Variants in RPS6KC1 observed in about 807,000 individuals in gnomAD.
RPS6KC1 encodes the protein ribosomal protein S6 kinase C1.
A neutral mutation model predicts 103.8 loss-of-function variants in RPS6KC1; 54 were observed. The ratio of observed to expected loss-of-function variants is 0.52; its 90% CI spans 0.42 to 0.65. RPS6KC1 has a LOEUF of 0.65. RPS6KC1 is among the 30% of genes least tolerant of loss of function. The pLI is 0.00. For missense variants in RPS6KC1, 1,151 were observed against 1,253.8 expected, an observed-to-expected ratio of 0.92 and a Z score of 1.24; for synonymous variants, 439 against 438.7, an observed-to-expected ratio of 1.00 and a Z score of -0.01.
At chr1:213,831,494 G>A in the RPS6KC1 span, among the ~76,000 whole-genome samples, 1 of 152,152 alleles carries the variant, frequency 6.6e-6, no homozygotes, top group South Asian at 2.1e-4. Context: ...TATCCCTGCA[G>A]ACACCTTGAT....
At chr1:213,639,675 T>C in the RPS6KC1 span, among the ~76,000 whole-genome samples, 835 of 152,204 alleles carry the variant, frequency 5.5e-3, 16 homozygotes, top group African/African-American at 0.019. Flanking sequence ...TTTTTCTTCT[T>C]TAGATGGTTA....
At chr1:213,249,945 A>G (rs2094516496) in intron 12 of RPS6KC1, among the ~76,000 whole-genome samples, 1 of 152,202 alleles carries the variant, frequency 6.6e-6, no homozygotes, top group Admixed American at 6.5e-5. Flanking sequence ...AGCTCAGAAC[A>G]TGGTTGCCAG....
At chr1:213,717,826 GT>G in the RPS6KC1 span, among the ~76,000 whole-genome samples, 1 of 152,222 alleles carries the variant, frequency 6.6e-6, no homozygotes, top group East Asian at 1.9e-4. Context: ...AACAAACAGA[GT>G]TTGTAGACCA....
At chr1:213,169,906 C>A (rs1321520919) in intron 7 of RPS6KC1, among the ~76,000 whole-genome samples, 1 of 151,866 alleles carries the variant, frequency 6.6e-6, no homozygotes, top group South Asian at 2.1e-4. Context: ...CTCAGCCTCC[C>A]GAGTAGCTGG....
At chr1:213,473,315 T>C in the RPS6KC1 span, among the ~76,000 whole-genome samples, 1 of 152,172 alleles carries the variant, frequency 6.6e-6, no homozygotes, top group Non-Finnish European at 1.5e-5. Context: ...TTGTGCAAAA[T>C]CTGCTATCCC....
the RPS6KC1 span, among the ~76,000 whole-genome samples, chr1:213,414,843 C>T: frequency 2.6e-5 from 4 of 152,062 alleles, no homozygotes; most frequent in African/African-American, 9.7e-5. Flanking sequence ...GTGGTCTTTT[C>T]CATAACTTGG....
the RPS6KC1 span, among the ~76,000 whole-genome samples, chr1:213,795,163 A>G: frequency 8.5e-5 from 13 of 152,174 alleles, no homozygotes; most frequent in Admixed American, 5.9e-4. Context: ...CTACCTATTG[A>G]TTTCTCTGTA....
At chr1:213,423,759 G>C in the RPS6KC1 span, among the ~76,000 whole-genome samples, 1 of 152,054 alleles carries the variant, frequency 6.6e-6, no homozygotes, top group Admixed American at 6.5e-5. Context: ...CCTTGGAGGG[G>C]GAGCGGCAGG....
the RPS6KC1 span, among the ~76,000 whole-genome samples, chr1:213,586,735 G>C: frequency 6.6e-6 from 1 of 152,164 alleles, no homozygotes; most frequent in East Asian, 1.9e-4. Flanking sequence ...GGAAGTAGGT[G>C]ATATGGATCC....
At chr1:213,844,054 A>C in the RPS6KC1 span, among the ~76,000 whole-genome samples, 1 of 152,172 alleles carries the variant, frequency 6.6e-6, no homozygotes, top group African/African-American at 2.4e-5. Context: ...GCCTTCATGG[A>C]AGAAGAGTAT....
chr1:213,676,554 C>G, the RPS6KC1 span, among the ~76,000 whole-genome samples: 1 of 152,204 alleles, frequency 6.6e-6, no homozygotes, highest in Non-Finnish European at 1.5e-5. Context: ...CAGCAATGGA[C>G]AGATGACTAT....
At chr1:213,343,941 G>A in the RPS6KC1 span, among the ~76,000 whole-genome samples, 3 of 152,112 alleles carry the variant, frequency 2.0e-5, no homozygotes, top group South Asian at 2.1e-4. Flanking sequence ...TACTTCTAAG[G>A]AAGAATAATT....
At chr1:213,770,372 C>T in the RPS6KC1 span, among the ~76,000 whole-genome samples, 12 of 152,142 alleles carry the variant, frequency 7.9e-5, no homozygotes, top group African/African-American at 2.9e-4. Context: ...ATGGTTAGAA[C>T]ATTTTATGGG....
the RPS6KC1 span, among the ~76,000 whole-genome samples, chr1:213,663,768 G>A: frequency 3.5e-4 from 53 of 152,272 alleles, no homozygotes; most frequent in African/African-American, 1.2e-3. Flanking sequence ...CTGAGACTTG[G>A]CACTCACAGC....
chr1:213,845,052 C>A, the RPS6KC1 span, among the ~76,000 whole-genome samples: 1 of 152,040 alleles, frequency 6.6e-6, no homozygotes, highest in Admixed American at 6.5e-5. Flanking sequence ...ACCCCCACCC[C>A]ACTCTCTCCG....
the RPS6KC1 span, among the ~76,000 whole-genome samples, chr1:213,602,970 T>A: frequency 6.6e-6 from 1 of 152,184 alleles, no homozygotes; most frequent in Non-Finnish European, 1.5e-5. Context: ...TGATGTGGTT[T>A]GTGGAGTCTG....
the RPS6KC1 span, among the ~76,000 whole-genome samples, chr1:213,777,915 C>A: frequency 2.6e-5 from 4 of 152,152 alleles, no homozygotes; most frequent in African/African-American, 9.7e-5. Flanking sequence ...CTAACTTAAT[C>A]CTCATCACCA....
At chr1:213,310,044 T>C in the RPS6KC1 span, among the ~76,000 whole-genome samples, 1 of 152,142 alleles carries the variant, frequency 6.6e-6, no homozygotes, top group Non-Finnish European at 1.5e-5. Flanking sequence ...GGCCCCTCTT[T>C]CAATGTATAC....
chr1:213,490,199 C>T, the RPS6KC1 span, among the ~76,000 whole-genome samples: 95 of 152,282 alleles, frequency 6.2e-4, no homozygotes, highest in African/African-American at 2.2e-3. Flanking sequence ...CCAGAAGAAG[C>T]TCTTTCACTT....
Sources: allele counts gnomAD v4.1 joint callset (sites outside exome capture counted in the v4.1 genomes callset), GRCh38; gene constraint gnomAD v4.1.1; transcripts MANE v1.5; gene names NCBI Gene and HGNC (gene_info 2026-07-23, HGNC 2026-07-21).